Variants in CCBE1 observed in about 807,000 individuals in gnomAD.
CCBE1 encodes collagen and calcium-binding EGF domain-containing protein 1.
CCBE1 carries 37 observed loss-of-function variants against 50.0 expected under a neutral mutation model. The ratio of observed to expected loss-of-function variants is 0.74; its 90% CI spans 0.57 to 0.97. The LOEUF is 0.97. CCBE1 is among the 50% of genes least tolerant of loss of function. The probability of loss-of-function intolerance (pLI) is 0.00; values close to 1 mark genes in which losing one functional copy is unlikely to be tolerated. For missense variants in CCBE1, 538 were observed against 523.8 expected, an observed-to-expected ratio of 1.03 and a Z score of -0.26; for synonymous variants, 234 against 203.7, an observed-to-expected ratio of 1.15 and a Z score of -1.27.
intron 2 of CCBE1, among the ~76,000 whole-genome samples, chr18:59,662,565 G>A (rs891601726): frequency 1.3e-5 from 2 of 152,246 alleles, no homozygotes; most frequent in Admixed American, 1.3e-4. Flanking sequence ...TACACAAATA[G>A]TCATCCAAAT....
intron 2 of CCBE1, among the ~76,000 whole-genome samples, chr18:59,543,538 GCGAGAGGCCC>G (rs1050812735): frequency 6.6e-6 from 1 of 151,952 alleles, no homozygotes; most frequent in Non-Finnish European, 1.5e-5. Flanking sequence ...GCGAGAGGCC[GCGAGAGGCCC>G]CGAGAGGCCG....
intron 2 of CCBE1, among the ~76,000 whole-genome samples, chr18:59,594,491 G>A (rs978714273): frequency 2.0e-5 from 3 of 152,306 alleles, no homozygotes; most frequent in Non-Finnish European, 2.9e-5. Context: ...GGTTGCACGC[G>A]TACTTAATGC....
intron 2 of CCBE1, among the ~76,000 whole-genome samples, chr18:59,496,340 G>A (rs932166531): frequency 3.3e-5 from 5 of 152,174 alleles, no homozygotes; most frequent in African/African-American, 1.2e-4. Flanking sequence ...TGCTCAACAT[G>A]TTTTTCCTGA....
At chr18:59,504,079 C>T (rs1026434198) in intron 2 of CCBE1, among the ~76,000 whole-genome samples, 2 of 152,208 alleles carry the variant, frequency 1.3e-5, no homozygotes, top group African/African-American at 4.8e-5. Context: ...AACTCACTCA[C>T]TGCCTGAGTG....
At chr18:59,558,894 G>A (rs1168573941) in intron 2 of CCBE1, among the ~76,000 whole-genome samples, 1 of 152,236 alleles carries the variant, frequency 6.6e-6, no homozygotes, top group Non-Finnish European at 1.5e-5. Flanking sequence ...GAAAGCTGTT[G>A]AAGAGAGCTA....
At chr18:59,482,014 G>A (rs79939272) in intron 2 of CCBE1, among the ~76,000 whole-genome samples, 10,698 of 152,138 alleles carry the variant, frequency 0.07, 850 homozygotes, top group East Asian at 0.33. Context: ...CCCTGCATGC[G>A]TTAGGTATTT....
intron 2 of CCBE1, among the ~76,000 whole-genome samples, chr18:59,623,326 C>T (rs2053736809): frequency 6.6e-6 from 1 of 152,190 alleles, no homozygotes; most frequent in Non-Finnish European, 1.5e-5. Context: ...TTTTCTCCTC[C>T]CTTAATCAGT....
At chr18:59,479,954 C>G (rs1912487573) in intron 3 of CCBE1, among the ~76,000 whole-genome samples, 1 of 152,328 alleles carries the variant, frequency 6.6e-6, no homozygotes, top group East Asian at 1.9e-4. Context: ...ACCTGAAATA[C>G]TATATAAGAA....
chr18:59,689,750 T>C (rs555929019), intron 2 of CCBE1, among the ~76,000 whole-genome samples: 34 of 152,348 alleles, frequency 2.2e-4, no homozygotes, highest in African/African-American at 7.9e-4. Context: ...ACTCTGATGC[T>C]GCTATCCACA....
At position 59,437,796 on chromosome 18, in the gene CCBE1, T is replaced by A. The variant is rs528733830; in HGVS notation, c.987+315A>T. Among the ~76,000 whole-genome samples the A allele has an allele frequency of 7.2e-4, 109 of 152,350 alleles. 1 individual carries two copies. The highest frequency in any genetic ancestry group is 1.3e-3 in the Non-Finnish European group (86 of 68,044). On this transcript the variant is annotated intron_variant, in intron 10 of 10. Coordinates refer to ENST00000439986, the MANE Select transcript of CCBE1 (RefSeq NM_133459.4). ...AACCCATAGATTTCCTTCCTAGACCTTTCAAATGTTTTATGATAATACTTG... is the reference window on the plus strand; with the variant it reads ...AACCCATAGATTTCCTTCCTAGACCATTCAAATGTTTTATGATAATACTTG...
chr18:59,594,674 T>A (rs747762324), intron 2 of CCBE1, among the ~76,000 whole-genome samples: 2 of 152,208 alleles, frequency 1.3e-5, no homozygotes, highest in Non-Finnish European at 2.9e-5. Flanking sequence ...TTCAACTGGC[T>A]AGCCTAGCAG....
intron 2 of CCBE1, among the ~76,000 whole-genome samples, chr18:59,671,578 C>A (rs2054431865): frequency 6.6e-6 from 1 of 151,410 alleles, no homozygotes; most frequent in African/African-American, 2.4e-5. Context: ...CAGTCTTCAG[C>A]AAGAAAAGTG....
intron 2 of CCBE1, among the ~76,000 whole-genome samples, chr18:59,658,265 T>A (rs1474327998): frequency 3.7e-5 from 4 of 108,752 alleles, no homozygotes; most frequent in African/African-American, 7.2e-5. Flanking sequence ...CGAGGCAGGA[T>A]CCCTTGAGGC....
chr18:59,565,440 TCAGGCTGGGTAACCAGGGGCGAGGGG>T (rs1006658106), intron 2 of CCBE1, among the ~76,000 whole-genome samples: 1 of 134,570 alleles, frequency 7.4e-6, no homozygotes, highest in African/African-American at 3.3e-5. Flanking sequence ...GGGCTGTCAC[TCAGGCTGGGTAACCAGGGGCGAGGGG>T]CAGGCTGGGC....
At chr18:59,601,403 C>T (rs2053432108) in intron 2 of CCBE1, among the ~76,000 whole-genome samples, 1 of 152,048 alleles carries the variant, frequency 6.6e-6, no homozygotes, top group Admixed American at 6.5e-5. Flanking sequence ...AAGGGCAGTT[C>T]CCCTGCACAC....
At chr18:59,668,273 C>A (rs1216616264) in intron 2 of CCBE1, among the ~76,000 whole-genome samples, 2 of 151,984 alleles carry the variant, frequency 1.3e-5, no homozygotes, top group Non-Finnish European at 2.9e-5. Flanking sequence ...CAAAAATTAG[C>A]CGGGCATAGT....
intron 2 of CCBE1, among the ~76,000 whole-genome samples, chr18:59,662,403 A>G (rs1042313529): frequency 3.9e-5 from 6 of 152,228 alleles, no homozygotes; most frequent in Admixed American, 6.5e-5. Flanking sequence ...TACAAGGTGG[A>G]TTACATTATT....
chr18:59,513,703 T>G (rs1214436978), intron 2 of CCBE1, among the ~76,000 whole-genome samples: 2 of 152,220 alleles, frequency 1.3e-5, no homozygotes, highest in Non-Finnish European at 2.9e-5. Flanking sequence ...ATGGCTACAC[T>G]TTAGAGAAAA....
At position 59,433,988 on chromosome 18, in the gene CCBE1, A is replaced by G. The variant is rs1256113609; in HGVS notation, c.*1920T>C. ...GCAATCTAGGCTCCCCCCGCAGGTTAAAGTAATTCTCCTGCCTCAGCCTCC... is the reference window on the plus strand; with the variant it reads ...GCAATCTAGGCTCCCCCCGCAGGTTGAAGTAATTCTCCTGCCTCAGCCTCC... On this transcript the variant is annotated 3_prime_UTR_variant, in exon 11 of 11. Transcript: ENST00000439986. The G allele has an allele frequency of 7.0e-6, 1 of 143,802 alleles. No homozygotes were observed. Among genetic ancestry groups the G allele is most frequent in the Non-Finnish European group, 1.5e-5 (1 of 66,594 alleles). 8.9% of individuals were successfully genotyped at this position (143,802 alleles called of 1,614,324 possible).
Sources: allele counts gnomAD v4.1 joint callset (sites outside exome capture counted in the v4.1 genomes callset), GRCh38; gene constraint gnomAD v4.1.1; transcripts MANE v1.5; gene names NCBI Gene and HGNC (gene_info 2026-07-23, HGNC 2026-07-21).